The following TMEM131 variants were observed in gnomAD, a reference collection of about 807,000 sequenced individuals.
TMEM131 encodes transmembrane protein 131, also known as 2610524E03Rik.
TMEM131 carries 66 observed loss-of-function variants against 211.6 expected under a neutral mutation model. That is an observed-to-expected ratio of 0.31 (90% CI 0.26 to 0.38). TMEM131 has a LOEUF of 0.38. Ranked by LOEUF, TMEM131 falls within the 10% of genes least tolerant of loss-of-function variation. The pLI is 1.00. For synonymous variants in TMEM131, 844 were observed against 841.3 expected (o/e 1.00, Z -0.06); for missense variants, 2,036 against 2,299.3 (o/e 0.89, Z 2.34).
intron 4 of TMEM131, among the ~76,000 whole-genome samples, chr2:97,885,701 T>C (rs1415191060): frequency 6.6e-6 from 1 of 152,210 alleles, no homozygotes; most frequent in Non-Finnish European, 1.5e-5. Context: ...TTGCTACTTT[T>C]AGAATTCTTT....
Position 97,756,974 on chromosome 2 carries a change from C to G in TMEM131, c.*125G>C. The G allele has an allele frequency of 1.7e-6, 2 of 1,191,494 alleles. No individual in the cohort carries two copies. Among genetic ancestry groups the G allele is most frequent in the Non-Finnish European group, 2.3e-6 (2 of 877,152 alleles). The allele number at this position is 1,191,494 out of a possible 1,614,324, so 73.8% of individuals were successfully genotyped here. A position where few individuals can be genotyped will look rare whatever the true frequency, so the allele number is the denominator to read the frequency against. ...TGGTCTGAGCCTGCCCTGCTTGGGT[C>G]TGTTTTGCAAAGAAGAGGAGGGTGG... is the stretch of plus-strand genomic sequence containing the variant. On this transcript the variant is annotated 3_prime_UTR_variant, in exon 41 of 41. Transcript: ENST00000186436.
intron 2 of TMEM131, among the ~76,000 whole-genome samples, chr2:97,923,623 TTTTTTAAAAAA>T (rs1559450335): frequency 3.0e-5 from 2 of 67,262 alleles, no homozygotes; most frequent in Admixed American, 1.1e-4. Flanking sequence ...CACTGTCTTT[TTTTTTAAAAAA>T]AAAAAAAAAA....
intron 28 of TMEM131, among the ~76,000 whole-genome samples, chr2:97,795,426 C>T (rs60066040): frequency 0.035 from 5,314 of 152,222 alleles, 296 homozygotes; most frequent in African/African-American, 0.11. Flanking sequence ...TAAATCCATG[C>T]TCTTTTCCCA....
At chr2:97,988,673 C>T (rs1680135277) in intron 1 of TMEM131, among the ~76,000 whole-genome samples, 1 of 152,158 alleles carries the variant, frequency 6.6e-6, no homozygotes. Flanking sequence ...TGAAAAGACG[C>T]TCAATATCAT....
At position 97,940,963 on chromosome 2, in the gene TMEM131, G is replaced by A. The variant is rs530043797; in HGVS notation, c.188-13476C>T. Among the ~76,000 whole-genome samples the A allele has an allele frequency of 1.6e-3, 246 of 152,192 alleles. 1 individual carries two copies. The highest frequency in any genetic ancestry group is 4.9e-3 in the African/African-American group (202 of 41,500). ...ACCAATGACTTTCTTCACAGGATTG[G>A]AAAATACTACTTTAAAGTTCATATG... On this transcript the variant is annotated intron_variant, in intron 1 of 40. Transcript: ENST00000186436.
intron 6 of TMEM131, among the ~76,000 whole-genome samples, chr2:97,843,174 C>A (rs1683279857): frequency 6.6e-6 from 1 of 151,906 alleles, no homozygotes; most frequent in African/African-American, 2.4e-5. Context: ...TTTATACTTA[C>A]AAAGACATGA....
At position 97,855,902 on chromosome 2, in the gene TMEM131, A is replaced by C. The variant is rs148649895; in HGVS notation, c.483+3402T>G. 1.4e-3 allele frequency among the ~76,000 whole-genome samples: 212 copies of C among 152,278 alleles called. 1 individual carries two copies. The highest frequency in any genetic ancestry group is 4.8e-3 in the African/African-American group (201 of 41,550). ...GGAATCAATAGAATAATGTCCTTCT[A>C]TATCTAATTAAAATAATCATTAATA... is the stretch of plus-strand genomic sequence containing the variant. On this transcript the variant is annotated intron_variant, in intron 5 of 40. Transcript: ENST00000186436.
At chr2:97,983,876 A>G (rs1044780665) in intron 1 of TMEM131, among the ~76,000 whole-genome samples, 7 of 152,234 alleles carry the variant, frequency 4.6e-5, no homozygotes, top group Admixed American at 2.0e-4. Flanking sequence ...GTCTCAAACC[A>G]TAACTGTGGC....
In TMEM131 at chr2:97,972,064, C is replaced by T. The variant is rs1481169633; in HGVS notation, c.187+23412G>A. Among the ~76,000 whole-genome samples the T allele has an allele frequency of 1.6e-4, 24 of 150,360 alleles. 1 individual carries two copies. The highest frequency in any genetic ancestry group is 1.4e-3 in the Admixed American group (21 of 15,126). On this transcript the variant is annotated intron_variant, in intron 1 of 40. Coordinates refer to ENST00000186436, the MANE Select transcript of TMEM131 (RefSeq NM_015348.2). ...CTCTACTAAAACTACAAAAATTAGCCGGGAGTGGTGCCACATGCCTGTAAT... is the reference window on the plus strand; with the variant it reads ...CTCTACTAAAACTACAAAAATTAGCTGGGAGTGGTGCCACATGCCTGTAAT...
At chr2:97,961,189 A>G (rs555006763) in intron 1 of TMEM131, among the ~76,000 whole-genome samples, 39 of 152,222 alleles carry the variant, frequency 2.6e-4, no homozygotes, top group Non-Finnish European at 4.6e-4. Context: ...CGTAAAGTTA[A>G]TAACAAATAT....
intron 1 of TMEM131, among the ~76,000 whole-genome samples, chr2:97,958,218 C>T (rs367687717): frequency 1.9e-4 from 29 of 152,326 alleles, no homozygotes; most frequent in Admixed American, 2.0e-4. Context: ...CCACCATCCA[C>T]ACCAAACCCT....
chr2:97,806,968 C>T (rs1293440445), intron 19 of TMEM131, among the ~76,000 whole-genome samples: 1 of 152,114 alleles, frequency 6.6e-6, no homozygotes. Flanking sequence ...CCGCACTTGG[C>T]GTACTTGAAA....
intron 8 of TMEM131, among the ~76,000 whole-genome samples, chr2:97,836,070 G>C (rs1255368287): frequency 6.6e-6 from 1 of 152,158 alleles, no homozygotes; most frequent in East Asian, 1.9e-4. Flanking sequence ...TTGTTTTATA[G>C]ATGATTTTTC....
intron 3 of TMEM131, among the ~76,000 whole-genome samples, chr2:97,890,876 A>G (rs778252511): frequency 3.9e-5 from 6 of 152,260 alleles, no homozygotes; most frequent in Non-Finnish European, 8.8e-5. Flanking sequence ...AGCAACTGTT[A>G]CTGTGATATT....
chr2:97,855,356 C>CTGTGTATAT (rs1673797082), intron 5 of TMEM131, among the ~76,000 whole-genome samples: 1 of 152,196 alleles, frequency 6.6e-6, no homozygotes. Context: ...TATTCCGGCT[C>CTGTGTATAT]TTATTAATAT....
At position 97,792,880 on chromosome 2, in the gene TMEM131, G is replaced by A. The variant is rs762498204; in HGVS notation, c.3650C>T (p.Ser1217Leu). ...GCTGTGACTGCTGTGTGGGTGGACC[G>A]ATGGGCCACACTGCTTATGACTCCC... is the stretch of plus-strand genomic sequence containing the variant. The part of the protein sequence containing the change: ...SAGSHKQCGP[S>L]VHPHSSHSNR... The change falls in exon 31 of 41, where the codon TCG becomes TTG. Residue 1217 changes from serine (S) to leucine (L), a missense_variant. Physicochemically the swap from Ser to Leu is moderately radical, Grantham distance 145. Transcript: ENST00000186436. 5.0e-6 allele frequency: 8 copies of A among 1,613,354 alleles called. No homozygotes were observed. The highest frequency in any genetic ancestry group is 6.8e-6 in the Non-Finnish European group (8 of 1,179,764).
chr2:97,899,872 A>G (rs1675775864), intron 3 of TMEM131, among the ~76,000 whole-genome samples: 1 of 152,178 alleles, frequency 6.6e-6, no homozygotes, highest in African/African-American at 2.4e-5. Context: ...TACCTCACAT[A>G]GTTGTCTTTT....
At chr2:97,928,584 G>A (rs934867785) in intron 1 of TMEM131, among the ~76,000 whole-genome samples, 3 of 151,814 alleles carry the variant, frequency 2.0e-5, no homozygotes, top group Non-Finnish European at 4.4e-5. Flanking sequence ...GAAGTGGGGG[G>A]AGAGGGGAGA....
At chr2:97,946,793 T>C (rs1678063947) in intron 1 of TMEM131, among the ~76,000 whole-genome samples, 1 of 151,974 alleles carries the variant, frequency 6.6e-6, no homozygotes, top group African/African-American at 2.4e-5. Context: ...TACAGACCAA[T>C]TTCACATCTT....
Sources: allele counts gnomAD v4.1 joint callset (sites outside exome capture counted in the v4.1 genomes callset), GRCh38; gene constraint gnomAD v4.1.1; transcripts MANE v1.5; gene names NCBI Gene and HGNC (gene_info 2026-07-23, HGNC 2026-07-21).